The following SLC30A9 variants were observed in gnomAD, a reference collection of about 807,000 sequenced individuals.
The protein encoded by SLC30A9 is solute carrier family 30 member 9, also known as proton-coupled zinc antiporter SLC30A9, mitochondrial.
In SLC30A9, 58 loss-of-function variants were observed where a neutral mutation model predicts 87.5. That is an observed-to-expected ratio of 0.66 (90% CI 0.54 to 0.82). The LOEUF (loss-of-function observed/expected upper bound fraction) is 0.82, where lower values mean the gene tolerates loss of function less well. Among genes scored for constraint, SLC30A9 ranks in the 40% least tolerant of loss-of-function variants. The probability of loss-of-function intolerance (pLI) is 0.00; values close to 1 mark genes in which losing one functional copy is unlikely to be tolerated. For missense variants in SLC30A9, 557 were observed against 679.1 expected (o/e 0.82, Z 2.00); for synonymous variants, 234 against 233.0 (o/e 1.00, Z -0.04).
rs185482531 is a variant in SLC30A9, at chr4:42,033,657, C to G, written c.611-1618C>G. On this transcript the variant is annotated intron_variant, in intron 6 of 17. Coordinates refer to ENST00000264451, the MANE Select transcript of SLC30A9 (RefSeq NM_006345.4). ...GTGGCACGATCTTGGCTCACTGCAA[C>G]CTCCGCCTCCTGGGTTCAAGCAATT... Among the ~76,000 whole-genome samples, 303 of 152,176 alleles carry G rather than the reference C, an allele frequency of 2.0e-3. 6 individuals carry two copies. Among genetic ancestry groups the G allele is most frequent in the Admixed American group, 0.018 (279 of 15,288 alleles).
chr4:42,074,117 T>C (rs1399679930), intron 15 of SLC30A9, among the ~76,000 whole-genome samples: 1 of 152,058 alleles, frequency 6.6e-6, no homozygotes, highest in Admixed American at 6.5e-5. Context: ...AAAGAATAAA[T>C]GATATAGCCT....
chr4:42,050,933 C>T (rs564731087), intron 9 of SLC30A9, among the ~76,000 whole-genome samples: 1 of 151,000 alleles, frequency 6.6e-6, no homozygotes, highest in African/African-American at 2.4e-5. Context: ...AGGAAGAGTT[C>T]CACAGAGGAA....
chr4:42,041,070 G>C (rs1257055776), intron 8 of SLC30A9, among the ~76,000 whole-genome samples: 2 of 152,146 alleles, frequency 1.3e-5, no homozygotes, highest in Non-Finnish European at 2.9e-5. Context: ...AATAGAGCTT[G>C]TGCAGGGTAA....
intron 2 of SLC30A9, among the ~76,000 whole-genome samples, chr4:42,007,752 A>C (rs1715275435): frequency 6.6e-6 from 1 of 152,146 alleles, no homozygotes; most frequent in Non-Finnish European, 1.5e-5. Context: ...GCAAGACTCC[A>C]TCTCAAAAAA....
intron 7 of SLC30A9, among the ~76,000 whole-genome samples, chr4:42,038,347 C>A (rs922377585): frequency 2.0e-5 from 3 of 152,104 alleles, no homozygotes; most frequent in Non-Finnish European, 2.9e-5. Context: ...TTTGCCCCTC[C>A]CATGAGTTCC....
chr4:42,001,861 T>C, intron 2 of SLC30A9, 81 bp downstream of exon 2: 1 of 961,928 alleles, frequency 1.0e-6, no homozygotes, highest in Admixed American at 2.8e-5. Context: ...GGATGTTTGA[T>C]AGAACTTACT....
intron 17 of SLC30A9, among the ~76,000 whole-genome samples, chr4:42,084,683 G>C (rs546741733): frequency 6.6e-6 from 1 of 152,110 alleles, no homozygotes; most frequent in Non-Finnish European, 1.5e-5. Context: ...ATGTTGGCCA[G>C]GATGGTCTTG....
intron 8 of SLC30A9, among the ~76,000 whole-genome samples, chr4:42,046,497 T>C (rs1717156401): frequency 6.6e-6 from 1 of 151,984 alleles, no homozygotes; most frequent in African/African-American, 2.4e-5. Flanking sequence ...ACAAAGAGAA[T>C]AAAATACCTA....
intron 15 of SLC30A9, among the ~76,000 whole-genome samples, chr4:42,071,288 C>A (rs895209918): frequency 6.6e-6 from 1 of 152,018 alleles, no homozygotes; most frequent in Admixed American, 6.6e-5. Flanking sequence ...AATAAAAGAA[C>A]AAACCTTTAA....
At chr4:42,040,223 C>G (rs748608326) in intron 8 of SLC30A9, among the ~76,000 whole-genome samples, 1 of 152,110 alleles carries the variant, frequency 6.6e-6, no homozygotes. Flanking sequence ...ATGTTTAGGG[C>G]ACCCAGGTGG....
At chr4:41,996,271 T>C (rs564256109) in intron 1 of SLC30A9, among the ~76,000 whole-genome samples, 10 of 151,902 alleles carry the variant, frequency 6.6e-5, no homozygotes, top group African/African-American at 2.2e-4. Flanking sequence ...GATTTTTGTG[T>C]TTTTAGTAGA....
At chr4:41,999,782 G>A (rs1291014729) in intron 1 of SLC30A9, among the ~76,000 whole-genome samples, 1 of 151,726 alleles carries the variant, frequency 6.6e-6, no homozygotes, top group Non-Finnish European at 1.5e-5. Flanking sequence ...CATAGAAACT[G>A]GAAAAAAATT....
chr4:41,999,444 A>G (rs1040925237), intron 1 of SLC30A9, among the ~76,000 whole-genome samples: 2 of 152,242 alleles, frequency 1.3e-5, no homozygotes, highest in Non-Finnish European at 2.9e-5. Flanking sequence ...CAAATAAATC[A>G]ACCAGTTACT....
chr4:42,090,083 A>G lies in SLC30A9; in HGVS notation c.*3957A>G, dbSNP rs1324105099. 1 of 152,234 alleles carries G rather than the reference A, an allele frequency of 6.6e-6. No individual in the cohort carries two copies. Among genetic ancestry groups the G allele is most frequent in the East Asian group, 1.9e-4 (1 of 5,198 alleles). 9.4% of individuals were successfully genotyped at this position (152,234 alleles called of 1,614,324 possible). On this transcript the variant is annotated 3_prime_UTR_variant, in exon 18 of 18. Transcript: ENST00000264451. ...AACTGCATAGGCATTTAGAATTTGT[A>G]TTATCTTCTTAGACTGCATTTGTCA... is the stretch of plus-strand genomic sequence containing the variant.
At chr4:42,048,346 A>G (rs1316636552) in intron 8 of SLC30A9, among the ~76,000 whole-genome samples, 1 of 152,212 alleles carries the variant, frequency 6.6e-6, no homozygotes, top group Non-Finnish European at 1.5e-5. Flanking sequence ...GGTAGGTGGT[A>G]TTGATAAGAT....
At chr4:42,041,813 A>C (rs1195166994) in intron 8 of SLC30A9, among the ~76,000 whole-genome samples, 1 of 152,180 alleles carries the variant, frequency 6.6e-6, no homozygotes, top group Non-Finnish European at 1.5e-5. Context: ...TCCCAGTGAG[A>C]TCCATGCAGA....
At position 42,090,418 on chromosome 4, in the gene SLC30A9, A is replaced by T. The variant is rs1719056309; in HGVS notation, c.*4292A>T. ...TAAGATGGTCCTGGTCCCTCAGGATACTTTTTCCCTTAATAAATGTCATAT... is the reference window on the plus strand; with the variant it reads ...TAAGATGGTCCTGGTCCCTCAGGATTCTTTTTCCCTTAATAAATGTCATAT... On this transcript the variant is annotated 3_prime_UTR_variant, in exon 18 of 18. Coordinates refer to ENST00000264451, the MANE Select transcript of SLC30A9 (RefSeq NM_006345.4). 6.6e-6 allele frequency: 1 copy of T among 152,200 alleles called. No individual in the cohort carries two copies. Among genetic ancestry groups the T allele is most frequent in the African/African-American group, 2.4e-5 (1 of 41,454 alleles). The allele number at this position is 152,200 out of a possible 1,614,324, so 9.4% of individuals were successfully genotyped here. A position where few individuals can be genotyped will look rare whatever the true frequency, so the allele number is the denominator to read the frequency against.
At chr4:41,994,323 CAT>C (rs1714597887) in intron 1 of SLC30A9, among the ~76,000 whole-genome samples, 1 of 152,038 alleles carries the variant, frequency 6.6e-6, no homozygotes, top group Non-Finnish European at 1.5e-5. Flanking sequence ...CTACAGTACA[CAT>C]ATACTTCTAA....
intron 16 of SLC30A9, among the ~76,000 whole-genome samples, chr4:42,077,468 G>A (rs1458951149): frequency 6.6e-6 from 1 of 151,952 alleles, no homozygotes; most frequent in East Asian, 1.9e-4. Flanking sequence ...GCAGTGGCGC[G>A]ATCTTGGCTC....
Sources: allele counts gnomAD v4.1 joint callset (sites outside exome capture counted in the v4.1 genomes callset), GRCh38; gene constraint gnomAD v4.1.1; transcripts MANE v1.5; gene names NCBI Gene and HGNC (gene_info 2026-07-23, HGNC 2026-07-21).